Variants in CCSER1 observed in about 807,000 individuals in gnomAD.
The protein encoded by CCSER1 is serine-rich coiled-coil domain-containing protein 1.
CCSER1 carries 41 observed loss-of-function variants against 82.0 expected under a neutral mutation model. The ratio of observed to expected loss-of-function variants is 0.50; its 90% CI spans 0.39 to 0.65. The LOEUF is 0.65. CCSER1 is among the 30% of genes least tolerant of loss of function. The pLI, the probability that CCSER1 is intolerant of heterozygous loss-of-function variation, is 0.00. For missense variants in CCSER1, 1,119 were observed against 1,064.2 expected (o/e 1.05, Z -0.72); for synonymous variants, 414 against 383.9 (o/e 1.08, Z -0.92).
rs1039248015 is a variant in CCSER1 at position 90,479,470 on chromosome 4, G to C, written c.1724+11116G>C. Among the ~76,000 whole-genome samples, 11 of 152,178 alleles carry C rather than the reference G, an allele frequency of 7.2e-5. No individual in the cohort carries two copies. The South Asian group carries it at 2.3e-3, about 32-fold the overall frequency. On this transcript the variant is annotated intron_variant, in intron 5 of 10. Coordinates refer to ENST00000509176, the MANE Select transcript of CCSER1 (RefSeq NM_001145065.2). ...TATACATGTGCCATGTTGGTGTGCT[G>C]CACCCATTAACTCATCATTTACATT... is the stretch of plus-strand genomic sequence containing the variant.
intron 10 of CCSER1, among the ~76,000 whole-genome samples, chr4:91,451,083 G>A (rs7665346): frequency 0.29 from 25,245 of 86,184 alleles, 2,809 homozygotes; most frequent in African/African-American, 0.45. Context: ...GAGTTTTCTA[G>A]TTCAAAGATG....
intron 10 of CCSER1, among the ~76,000 whole-genome samples, chr4:91,415,951 T>C (rs1424004836): frequency 6.6e-6 from 1 of 152,086 alleles, no homozygotes; most frequent in Admixed American, 6.6e-5. Flanking sequence ...CATTTTCAAT[T>C]GTTTGGAATA....
At chr4:91,116,739 T>G (rs1726649753) in intron 10 of CCSER1, among the ~76,000 whole-genome samples, 1 of 152,210 alleles carries the variant, frequency 6.6e-6, no homozygotes, top group African/African-American at 2.4e-5. Context: ...ACAGGCTGCC[T>G]TGTTTGGTCT....
chr4:91,483,816 C>A (rs541314902), intron 10 of CCSER1, among the ~76,000 whole-genome samples: 1 of 151,998 alleles, frequency 6.6e-6, no homozygotes, highest in Non-Finnish European at 1.5e-5. Flanking sequence ...ATTTCTCATG[C>A]GTTCTAACAA....
chr4:90,603,893 G>A (rs944226630), intron 5 of CCSER1, among the ~76,000 whole-genome samples: 1 of 152,084 alleles, frequency 6.6e-6, no homozygotes, highest in African/African-American at 2.4e-5. Flanking sequence ...CCTTTGGGTG[G>A]TGACTCTGTG....
chr4:91,229,541 TTTATTGCGGCACTA>T (rs1315692730), intron 10 of CCSER1, among the ~76,000 whole-genome samples: 1 of 152,122 alleles, frequency 6.6e-6, no homozygotes, highest in Non-Finnish European at 1.5e-5. Flanking sequence ...CACATGTATG[TTTATTGCGGCACTA>T]TTCACAATAG....
At position 91,539,544 on chromosome 4, in the gene CCSER1, A is replaced by G. The variant is rs147140224; in HGVS notation, c.2218-59028A>G. On this transcript the variant is annotated intron_variant, in intron 10 of 10. Coordinates refer to ENST00000509176, the MANE Select transcript of CCSER1 (RefSeq NM_001145065.2). ...CTACATATGGTAAAGCTCAATAAAT[A>G]TTTGCTGAATTTGGTCATCCATGGT... is the stretch of plus-strand genomic sequence containing the variant. Among the ~76,000 whole-genome samples, 632 of 152,192 alleles carry G rather than the reference A, an allele frequency of 4.2e-3. 6 individuals carry two copies. The highest frequency in any genetic ancestry group is 0.014 in the African/African-American group (602 of 41,544).
chr4:91,424,368 GT>G (rs1250593188), intron 10 of CCSER1, among the ~76,000 whole-genome samples: 2 of 152,074 alleles, frequency 1.3e-5, no homozygotes, highest in African/African-American at 4.8e-5. Context: ...ATTTGGGTTG[GT>G]TTTTGAAATG....
intron 4 of CCSER1, among the ~76,000 whole-genome samples, chr4:90,431,112 T>C (rs1448254091): frequency 6.6e-6 from 1 of 152,024 alleles, no homozygotes; most frequent in Non-Finnish European, 1.5e-5. Flanking sequence ...GTAATGTTTG[T>C]TAATATAAGT....
At chr4:90,984,167 T>G (rs1193216141) in intron 9 of CCSER1, among the ~76,000 whole-genome samples, 1 of 151,758 alleles carries the variant, frequency 6.6e-6, no homozygotes, top group Non-Finnish European at 1.5e-5. Context: ...ACTGAAACAA[T>G]TTTTGTTGTC....
At chr4:90,785,694 A>C (rs1754419578) in intron 7 of CCSER1, among the ~76,000 whole-genome samples, 1 of 150,942 alleles carries the variant, frequency 6.6e-6, no homozygotes, top group Admixed American at 6.6e-5. Flanking sequence ...TTAAAACTAT[A>C]CGTTTAATTT....
intron 8 of CCSER1, among the ~76,000 whole-genome samples, chr4:90,893,413 C>T (rs1175943649): frequency 6.6e-6 from 1 of 151,922 alleles, no homozygotes; most frequent in Admixed American, 6.6e-5. Context: ...TTTCACCTCA[C>T]CCAGAAAAAC....
At chr4:90,472,415 G>A (rs770494595) in intron 5 of CCSER1, among the ~76,000 whole-genome samples, 2 of 151,998 alleles carry the variant, frequency 1.3e-5, no homozygotes, top group Non-Finnish European at 2.9e-5. Flanking sequence ...GTATTTATTA[G>A]TTTTTAGACA....
chr4:91,499,711 A>G (rs1171784431), intron 10 of CCSER1, among the ~76,000 whole-genome samples: 4 of 151,932 alleles, frequency 2.6e-5, no homozygotes, highest in Non-Finnish European at 5.9e-5. Flanking sequence ...AATGTCATAT[A>G]ATTGAAATAA....
chr4:91,130,837 A>T (rs1450450799), intron 10 of CCSER1, among the ~76,000 whole-genome samples: 1 of 151,808 alleles, frequency 6.6e-6, no homozygotes, highest in Non-Finnish European at 1.5e-5. Flanking sequence ...TGTACATAAG[A>T]CAAATTTTGA....
chr4:91,160,815 T>A (rs989555550), intron 10 of CCSER1, among the ~76,000 whole-genome samples: 8 of 152,152 alleles, frequency 5.3e-5, no homozygotes, highest in Admixed American at 1.3e-4. Context: ...CTTTGTCAGA[T>A]GGGTAGATTG....
chr4:90,621,142 C>G (rs1004385219), intron 5 of CCSER1, among the ~76,000 whole-genome samples: 4 of 152,126 alleles, frequency 2.6e-5, no homozygotes, highest in Non-Finnish European at 4.4e-5. Context: ...ACAGCTGACT[C>G]TCCTCTCTTT....
chr4:90,957,098 CTT>C (rs1215668480), intron 9 of CCSER1, among the ~76,000 whole-genome samples: 5 of 86,674 alleles, frequency 5.8e-5, no homozygotes, highest in African/African-American at 1.2e-4. Context: ...TCTTTCTTTC[CTT>C]TTTTTTTTTT....
intron 10 of CCSER1, among the ~76,000 whole-genome samples, chr4:91,351,567 G>A (rs910810879): frequency 3.9e-5 from 6 of 151,990 alleles, no homozygotes; most frequent in Admixed American, 1.3e-4. Flanking sequence ...ATACTGGGAC[G>A]AGAGTTATGC....
Sources: allele counts gnomAD v4.1 joint callset (sites outside exome capture counted in the v4.1 genomes callset), GRCh38; gene constraint gnomAD v4.1.1; transcripts MANE v1.5; gene names NCBI Gene and HGNC (gene_info 2026-07-23, HGNC 2026-07-21).